GLIPR1L2: variants seen among roughly 807,000 people sequenced by gnomAD.
The protein encoded by GLIPR1L2 is GLIPR1-like protein 2.
In GLIPR1L2, 21 loss-of-function variants were observed where a neutral mutation model predicts 28.4. That is an observed-to-expected ratio of 0.74 (90% confidence interval 0.52 to 1.06). The LOEUF (loss-of-function observed/expected upper bound fraction) is 1.06. GLIPR1L2 is among the 50% of genes least tolerant of loss of function. GLIPR1L2 has a pLI of 0.00. For synonymous variants in GLIPR1L2, 145 were observed against 139.3 expected, an observed-to-expected ratio of 1.04 and a Z score of -0.29; for missense variants, 476 against 416.9, an observed-to-expected ratio of 1.14 and a Z score of -1.23.
Position 75,406,773 on chromosome 12 carries a change from AAG to A in GLIPR1L2, c.235-3647_235-3646del, listed in dbSNP as rs772979370. Among the ~76,000 whole-genome samples, 573 of 145,124 alleles carry A rather than the reference AAG, an allele frequency of 3.9e-3. 96 individuals are homozygous for A. The highest frequency in any genetic ancestry group is 7.0e-3 in the Middle Eastern group (2 of 284). ...TCCCTATCTCAAAAAAAAAAAAAAA[AAG>A]AGAGAGAGAGAGAAAGAGAGAGAGA... On this transcript the variant is annotated intron_variant, in intron 1 of 5. Transcript: ENST00000550916.
chr12:75,420,299 C>T (rs576083916), intron 3 of GLIPR1L2, among the ~76,000 whole-genome samples: 7 of 152,242 alleles, frequency 4.6e-5, no homozygotes, highest in Non-Finnish European at 1.0e-4. Context: ...GTGGCAGATA[C>T]GAGTCTAGTG....
At chr12:75,406,320 A>C in intron 1 of GLIPR1L2, among the ~76,000 whole-genome samples, 1 of 152,186 alleles carries the variant, frequency 6.6e-6, no homozygotes, top group East Asian at 1.9e-4. Context: ...TTCTAAATGA[A>C]ACCTTAATTT....
Position 75,391,239 on chromosome 12 carries a change from C to G in GLIPR1L2, c.123C>G (p.Asn41Lys), listed in dbSNP as rs1292613280. The change falls in exon 1 of 6, where the codon AAC (asparagine) becomes AAG (lysine). Residue 41 changes from asparagine to lysine, a missense_variant. Transcript: ENST00000550916. The part of the protein sequence containing the change: ...LWLLLLGSSL[N>K]ARFLPDEEDV... ...TACTGCTACTGGGTTCTAGTTTGAA[C>G]GCCAGATTTTTGCCAGACGAGGAGG... 6.2e-7 allele frequency: 1 copy of G among 1,614,210 alleles called. No homozygotes were observed. Among genetic ancestry groups the G allele is most frequent in the Non-Finnish European group, 8.5e-7 (1 of 1,180,022 alleles).
intron 3 of GLIPR1L2, among the ~76,000 whole-genome samples, chr12:75,420,363 T>C (rs1014855981): frequency 2.6e-5 from 4 of 152,226 alleles, no homozygotes; most frequent in African/African-American, 9.6e-5. Flanking sequence ...TTTGAAAGAC[T>C]GTGTATCTAT....
At chr12:75,406,764 A>AG (rs1426894135) in intron 1 of GLIPR1L2, among the ~76,000 whole-genome samples, 6 of 140,628 alleles carry the variant, frequency 4.3e-5, no homozygotes, top group African/African-American at 1.6e-4. Flanking sequence ...TCTCAAAAAA[A>AG]AAAAAAAAAA....
At chr12:75,400,775 AT>A (rs1435397923) in intron 1 of GLIPR1L2, among the ~76,000 whole-genome samples, 2 of 152,230 alleles carry the variant, frequency 1.3e-5, no homozygotes, top group Non-Finnish European at 2.9e-5. Flanking sequence ...CAGCAAAAAA[AT>A]GTAACGGCAA....
intron 2 of GLIPR1L2, among the ~76,000 whole-genome samples, chr12:75,412,025 T>G (rs2045872973): frequency 6.6e-6 from 1 of 152,028 alleles, no homozygotes; most frequent in African/African-American, 2.4e-5. Flanking sequence ...AAGGCCAGAT[T>G]TTGTTTTATC....
At chr12:75,428,402 A>G (rs1350090529) in intron 4 of GLIPR1L2, among the ~76,000 whole-genome samples, 4 of 152,192 alleles carry the variant, frequency 2.6e-5, no homozygotes, top group Non-Finnish European at 5.9e-5. Flanking sequence ...CTGTTTGTAA[A>G]AGCATACAGT....
In GLIPR1L2 at chr12:75,415,796, T is replaced by C. The variant is rs79587543; in HGVS notation, c.584+2095T>C. Among the ~76,000 whole-genome samples, 11 of 152,240 alleles carry C rather than the reference T, an allele frequency of 7.2e-5. No homozygotes were observed. The East Asian group carries it at 2.1e-3, about 29-fold the overall frequency. ...CCATCTTCAAGTCAGCCAAGGTATG[T>C]CAGAGCATTTTCATGTTTCAAATCT... On this transcript the variant is annotated intron_variant, in intron 3 of 5. Transcript: ENST00000550916.
At chr12:75,418,334 A>T (rs533887193) in intron 3 of GLIPR1L2, among the ~76,000 whole-genome samples, 7 of 152,204 alleles carry the variant, frequency 4.6e-5, no homozygotes, top group Non-Finnish European at 8.8e-5. Flanking sequence ...TAAAAGACTT[A>T]AACATTAAAA....
intron 1 of GLIPR1L2, 152 bp downstream of exon 1, chr12:75,391,502 C>G: frequency 1.9e-6 from 3 of 1,538,664 alleles, no homozygotes; most frequent in Non-Finnish European, 2.6e-6. Context: ...GAAGTTTACA[C>G]AGAGAAAAAC....
intron 1 of GLIPR1L2, among the ~76,000 whole-genome samples, chr12:75,400,393 A>T (rs970480503): frequency 7.9e-5 from 12 of 152,302 alleles, no homozygotes; most frequent in Admixed American, 6.5e-4. Context: ...AAGTGCTGGG[A>T]TTACAGGCGT....
At chr12:75,416,744 C>CCT (rs1057393214) in intron 3 of GLIPR1L2, among the ~76,000 whole-genome samples, 1 of 152,028 alleles carries the variant, frequency 6.6e-6, no homozygotes, top group Non-Finnish European at 1.5e-5. Context: ...TTGAAATTAC[C>CCT]CTTTTTTTCT....
intron 1 of GLIPR1L2, among the ~76,000 whole-genome samples, chr12:75,407,781 A>C (rs767620419): frequency 6.6e-6 from 1 of 152,034 alleles, no homozygotes; most frequent in Non-Finnish European, 1.5e-5. Context: ...TTTATTTGTG[A>C]ATGGATTTCA....
chr12:75,401,882 A>G (rs2045745544), intron 1 of GLIPR1L2, among the ~76,000 whole-genome samples: 1 of 152,142 alleles, frequency 6.6e-6, no homozygotes, highest in Admixed American at 6.5e-5. Flanking sequence ...ACTGACTGAC[A>G]ATAAATGAAC....
rs2045581296 is a variant in GLIPR1L2 at position 75,391,222 on chromosome 12, C to A, written c.106C>A (p.Leu36Met). 1.2e-6 allele frequency: 2 copies of A among 1,614,116 alleles called. No homozygotes were observed. The highest frequency in any genetic ancestry group is 1.3e-5 in the African/African-American group (1 of 74,950). Reference sequence around the variant, plus strand: ...GCTCTGTGAGCTGTGGCTACTGCTACTGGGTTCTAGTTTGAACGCCAGATT... The same window carrying A: ...GCTCTGTGAGCTGTGGCTACTGCTAATGGGTTCTAGTTTGAACGCCAGATT... ...LRLCELWLLL[L>M]GSSLNARFLP... The change falls in exon 1 of 6, where the codon CTG (leucine) becomes ATG (methionine). Residue 36 changes from leucine to methionine, a missense_variant. By Grantham distance (15) the Leu-to-Met change is conservative (BLOSUM62 2). Coordinates refer to ENST00000550916, the MANE Select transcript of GLIPR1L2 (RefSeq NM_001270396.2).
intron 1 of GLIPR1L2, among the ~76,000 whole-genome samples, chr12:75,407,199 G>A (rs1315684115): frequency 6.6e-6 from 1 of 152,066 alleles, no homozygotes; most frequent in Non-Finnish European, 1.5e-5. Flanking sequence ...TCCTTGCTGT[G>A]TTTGGAGTTG....
At chr12:75,404,293 T>A (rs67904412) in intron 1 of GLIPR1L2, among the ~76,000 whole-genome samples, 48,898 of 151,976 alleles carry the variant, frequency 0.32, 8,682 homozygotes, top group East Asian at 0.46. Context: ...ATAAAATCTC[T>A]TAAAGGAGGT....
chr12:75,407,619 T>C (rs537184644), intron 1 of GLIPR1L2, among the ~76,000 whole-genome samples: 1 of 152,260 alleles, frequency 6.6e-6, no homozygotes, highest in East Asian at 1.9e-4. Flanking sequence ...AATTATCTTT[T>C]CTATAATTGT....
Sources: gnomAD v4.1 joint callset for allele counts (sites outside exome capture counted in the v4.1 genomes callset) on GRCh38, gnomAD v4.1.1 for gene constraint, MANE v1.5 for transcripts, NCBI Gene and HGNC (gene_info 2026-07-23, HGNC 2026-07-21) for gene names.